The following PDE3B variants were observed in gnomAD, a reference collection of about 807,000 sequenced individuals.
PDE3B encodes the protein cGMP-inhibited 3',5'-cyclic phosphodiesterase 3B.
A neutral mutation model predicts 116.8 loss-of-function variants in PDE3B; 66 were observed. That is an observed-to-expected ratio of 0.56 (90% CI 0.46 to 0.69). PDE3B has a LOEUF of 0.69. Among genes scored for constraint, PDE3B ranks in the 30% least tolerant of loss-of-function variants. The pLI, the probability that PDE3B is intolerant of heterozygous loss-of-function variation, is 0.00. For missense variants in PDE3B, 1,384 were observed against 1,368.1 expected, an observed-to-expected ratio of 1.01 and a Z score of -0.18; for synonymous variants, 595 against 533.6, an observed-to-expected ratio of 1.12 and a Z score of -1.59.
At chr11:14,790,966 C>G (rs1241848780) in intron 4 of PDE3B, among the ~76,000 whole-genome samples, 2 of 152,086 alleles carry the variant, frequency 1.3e-5, no homozygotes, top group African/African-American at 4.8e-5. Flanking sequence ...TATATCTGCA[C>G]TGTCTAATAT....
chr11:14,756,504 A>G (rs1230353676), intron 1 of PDE3B, among the ~76,000 whole-genome samples: 1 of 152,172 alleles, frequency 6.6e-6, no homozygotes, highest in African/African-American at 2.4e-5. Flanking sequence ...CCACCTACAA[A>G]TACCTTGACC....
the PDE3B span, chr11:14,892,000 T>G: frequency 6.2e-7 from 1 of 1,613,470 alleles, no homozygotes; most frequent in Non-Finnish European, 8.5e-7. Context: ...CACCTGGCTC[T>G]GCTTTCTCAT....
chr11:14,661,047 T>C (rs949988688), intron 1 of PDE3B, among the ~76,000 whole-genome samples: 3 of 152,156 alleles, frequency 2.0e-5, no homozygotes, highest in African/African-American at 2.4e-5. Flanking sequence ...TGTGGAGAAA[T>C]AGGAACACTT....
At chr11:14,853,012 T>TC (rs572090613) in intron 12 of PDE3B, among the ~76,000 whole-genome samples, 12 of 104,800 alleles carry the variant, frequency 1.1e-4, no homozygotes, top group African/African-American at 2.9e-4. Context: ...TCTCTCTCTC[T>TC]TTTTTTTTTT....
intron 2 of PDE3B, among the ~76,000 whole-genome samples, chr11:14,782,697 T>C (rs1287887688): frequency 6.6e-6 from 1 of 152,198 alleles, no homozygotes; most frequent in African/African-American, 2.4e-5. Context: ...GACATAGGCA[T>C]GGGCAAGGAC....
At chr11:14,890,695 C>T in the PDE3B span, among the ~76,000 whole-genome samples, 2 of 151,734 alleles carry the variant, frequency 1.3e-5, no homozygotes, top group African/African-American at 4.8e-5. Flanking sequence ...TACAGGTGCC[C>T]GCCACCACGC....
chr11:14,896,364 T>G, the PDE3B span, among the ~76,000 whole-genome samples: 1 of 152,122 alleles, frequency 6.6e-6, no homozygotes, highest in Non-Finnish European at 1.5e-5. Flanking sequence ...TCACCACAAA[T>G]GTATTGGGCA....
intron 1 of PDE3B, among the ~76,000 whole-genome samples, chr11:14,764,612 T>C (rs1441030662): frequency 2.6e-5 from 4 of 152,066 alleles, no homozygotes; most frequent in African/African-American, 9.7e-5. Flanking sequence ...AGATCTAGAT[T>C]TAAGTTCTGT....
chr11:14,888,699 C>T, the PDE3B span, among the ~76,000 whole-genome samples: 1 of 152,168 alleles, frequency 6.6e-6, no homozygotes, highest in East Asian at 1.9e-4. Flanking sequence ...TGCTAAATTA[C>T]AAACTCCTTA....
chr11:14,825,706 A>T (rs1254158119), intron 7 of PDE3B, among the ~76,000 whole-genome samples: 3 of 152,228 alleles, frequency 2.0e-5, no homozygotes, highest in Non-Finnish European at 4.4e-5. Context: ...TCAACACTCC[A>T]CTGACAGTAT....
intron 1 of PDE3B, among the ~76,000 whole-genome samples, chr11:14,724,502 G>C (rs1025876757): frequency 1.3e-5 from 2 of 152,150 alleles, no homozygotes; most frequent in Non-Finnish European, 2.9e-5. Flanking sequence ...TGAAGGTCAT[G>C]CTCAAAGGAA....
intron 5 of PDE3B, among the ~76,000 whole-genome samples, chr11:14,806,094 A>G (rs1218591238): frequency 2.0e-5 from 3 of 152,168 alleles, no homozygotes; most frequent in Non-Finnish European, 2.9e-5. Flanking sequence ...CGATTCCTCA[A>G]GGATCTAGAA....
At chr11:14,889,305 A>T in the PDE3B span, among the ~76,000 whole-genome samples, 2 of 152,232 alleles carry the variant, frequency 1.3e-5, no homozygotes, top group Non-Finnish European at 2.9e-5. Flanking sequence ...CTCCAAAAAA[A>T]GGTATAGTAT....
the PDE3B span, chr11:14,880,843 T>C: frequency 7.1e-7 from 1 of 1,409,072 alleles, no homozygotes; most frequent in Admixed American, 2.3e-5. Context: ...CAAAATTTTT[T>C]TAATGGATGG....
Position 14,644,015 on chromosome 11 carries a change from G to A in PDE3B, c.-61G>A, listed in dbSNP as rs1407423868. ...CGCGGGGGTTGGGGTCTGGGAGCGC[G>A]AGCGGCCGCTACGGTACGAGCGGGG... On this transcript the variant is annotated 5_prime_UTR_variant, in exon 1 of 16. Transcript: ENST00000282096. 4 of 1,385,606 alleles carry A rather than the reference G, an allele frequency of 2.9e-6. No homozygotes were observed. The highest frequency in any genetic ancestry group is 3.7e-6 in the Non-Finnish European group (4 of 1,078,122). 85.8% of individuals were successfully genotyped at this position (1,385,606 alleles called of 1,614,324 possible).
Position 14,847,292 on chromosome 11 carries a change from C to T in PDE3B, c.2520+3266C>T, listed in dbSNP as rs1299641430. Among the ~76,000 whole-genome samples the T allele has an allele frequency of 6.7e-3, 1,008 of 150,944 alleles. 10 individuals carry two copies. Among genetic ancestry groups the T allele is most frequent in the African/African-American group, 0.023 (958 of 40,952 alleles). On this transcript the variant is annotated intron_variant, in intron 12 of 15. Coordinates refer to ENST00000282096, the MANE Select transcript of PDE3B (RefSeq NM_000922.4). ...AAATAAAGATGTTCTTTGAAACCAA[C>T]GAGAACAAAGACACAACATACCAGA...
At chr11:14,806,076 CAG>C (rs539067329) in intron 5 of PDE3B, among the ~76,000 whole-genome samples, 177 of 152,308 alleles carry the variant, frequency 1.2e-3, no homozygotes, top group African/African-American at 4.0e-3. Flanking sequence ...GTGTGGAAGA[CAG>C]TGTGGCGATT....
At chr11:14,671,903 C>T (rs987304571) in intron 1 of PDE3B, among the ~76,000 whole-genome samples, 2 of 151,148 alleles carry the variant, frequency 1.3e-5, no homozygotes, top group Admixed American at 6.6e-5. Flanking sequence ...TAGTGTGTGC[C>T]TGTGTTCCTA....
intron 1 of PDE3B, among the ~76,000 whole-genome samples, chr11:14,681,484 G>A (rs1043982236): frequency 6.6e-6 from 1 of 152,096 alleles, no homozygotes; most frequent in African/African-American, 2.4e-5. Flanking sequence ...CCATGAGTGT[G>A]AGGACTTCCC....
Sources: allele counts gnomAD v4.1 joint callset (sites outside exome capture counted in the v4.1 genomes callset), GRCh38; gene constraint gnomAD v4.1.1; transcripts MANE v1.5; gene names NCBI Gene and HGNC (gene_info 2026-07-23, HGNC 2026-07-21).